The following SPRYD4 variants were observed in gnomAD, a reference collection of about 807,000 sequenced individuals.
SPRYD4 encodes the protein SPRY domain-containing protein 4.
Under a neutral mutation model 16.6 loss-of-function variants are expected in SPRYD4, and 12 were observed. The ratio of observed to expected loss-of-function variants is 0.72; its 90% confidence interval spans 0.46 to 1.17. The LOEUF is 1.17. Among genes scored for constraint, SPRYD4 ranks in the 50% most tolerant of loss-of-function variants. The pLI is 0.00. For synonymous variants in SPRYD4, 98 were observed against 105.4 expected, an observed-to-expected ratio of 0.93 and a Z score of 0.43; for missense variants, 260 against 260.2, an observed-to-expected ratio of 1.00 and a Z score of 0.00.
chr12:56,474,262 T>C lies in SPRYD4; in HGVS notation c.*4685T>C, dbSNP rs986810795. 1.3e-5 allele frequency: 5 copies of C among 387,654 alleles called. No homozygotes were observed. The highest frequency in any genetic ancestry group is 1.3e-4 in the East Asian group (2 of 15,796). 24.0% of individuals were successfully genotyped at this position (387,654 alleles called of 1,614,324 possible). A position where few individuals can be genotyped will look rare whatever the true frequency, so the allele number is the denominator to read the frequency against. On this transcript the variant is annotated 3_prime_UTR_variant, in exon 2 of 2. Coordinates refer to ENST00000338146, the MANE Select transcript of SPRYD4 (RefSeq NM_207344.4). Reference sequence around the variant, plus strand: ...ACACCACCACCCCCGGCTAATTTTTTGTATTTAGTAGAGATGGGGTTTCAC... The same window carrying C: ...ACACCACCACCCCCGGCTAATTTTTCGTATTTAGTAGAGATGGGGTTTCAC...
At position 56,471,246 on chromosome 12, in the gene SPRYD4, T is replaced by C; in HGVS notation, c.*1669T>C. On this transcript the variant is annotated 3_prime_UTR_variant, in exon 2 of 2. Transcript: ENST00000338146. Reference sequence around the variant, plus strand: ...GTGGGGCAAGCCATTAGGCTGTACCTTGAAGCCCAGTCTCTCTGGATAGCT... The same window carrying C: ...GTGGGGCAAGCCATTAGGCTGTACCCTGAAGCCCAGTCTCTCTGGATAGCT... The C allele has an allele frequency of 6.1e-6, 3 of 493,872 alleles. No individual in the cohort carries two copies. Among genetic ancestry groups the C allele is most frequent in the Non-Finnish European group, 1.1e-5 (3 of 282,734 alleles). 30.6% of individuals were successfully genotyped at this position (493,872 alleles called of 1,614,324 possible).
Position 56,478,083 on chromosome 12 carries a change from G to A in SPRYD4, c.*8506G>A. 6.2e-7 allele frequency: 1 copy of A among 1,614,092 alleles called. No individual in the cohort carries two copies. Among genetic ancestry groups the A allele is most frequent in the Non-Finnish European group, 8.5e-7 (1 of 1,179,968 alleles). On this transcript the variant is annotated 3_prime_UTR_variant, in exon 2 of 2. Transcript: ENST00000338146. Reference sequence around the variant, plus strand: ...TGCAGGCAGAAGGGGATCTTTGTGTGGCCCACAGAGTGCCTGGAGGCAGAC... The same window carrying A: ...TGCAGGCAGAAGGGGATCTTTGTGTAGCCCACAGAGTGCCTGGAGGCAGAC...
Position 56,475,583 on chromosome 12 carries a change from C to T in SPRYD4, c.*6006C>T. On this transcript the variant is annotated 3_prime_UTR_variant, in exon 2 of 2. Transcript: ENST00000338146. ...TCCCCATCCTAAGTACACACACATA[C>T]ACCACAATGCTTTCAGTCAGTCCTC... is the stretch of plus-strand genomic sequence containing the variant. 1 of 1,595,466 alleles carries T rather than the reference C, an allele frequency of 6.3e-7. No homozygotes were observed. The highest frequency in any genetic ancestry group is 8.6e-7 in the Non-Finnish European group (1 of 1,163,260).
rs895112736 is a variant in SPRYD4 at position 56,475,839 on chromosome 12, T to C, written c.*6262T>C. 1 of 1,418,972 alleles carries C rather than the reference T, an allele frequency of 7.0e-7. No homozygotes were observed. The highest frequency in any genetic ancestry group is 1.2e-5 in the South Asian group (1 of 86,604). The allele number at this position is 1,418,972 out of a possible 1,614,324, so 87.9% of individuals were successfully genotyped here. On this transcript the variant is annotated 3_prime_UTR_variant, in exon 2 of 2. Coordinates refer to ENST00000338146, the MANE Select transcript of SPRYD4 (RefSeq NM_207344.4). Reference sequence around the variant, plus strand: ...ATTTCTGGAAATAAGGCTTCTAGTATGGGCTGGTGCACCTGGTAGTGGGGT... The same window carrying C: ...ATTTCTGGAAATAAGGCTTCTAGTACGGGCTGGTGCACCTGGTAGTGGGGT...
Position 56,473,598 on chromosome 12 carries a change from G to A in SPRYD4, c.*4021G>A, listed in dbSNP as rs1033201016. 2.5e-6 allele frequency: 4 copies of A among 1,609,146 alleles called. No individual in the cohort carries two copies. On this transcript the variant is annotated 3_prime_UTR_variant, in exon 2 of 2. Transcript: ENST00000338146. ...CTGACTTGGCTGGCAGGCCCACCTG[G>A]GGAACAGAACTGAAGCTGAGGATAA...
In SPRYD4 at chr12:56,477,472, G is replaced by A; in HGVS notation, c.*7895G>A. The A allele has an allele frequency of 1.8e-6, 1 of 560,974 alleles. No individual in the cohort carries two copies. The highest frequency in any genetic ancestry group is 3.2e-6 in the Non-Finnish European group (1 of 314,918). 34.7% of individuals were successfully genotyped at this position (560,974 alleles called of 1,614,324 possible). On this transcript the variant is annotated 3_prime_UTR_variant, in exon 2 of 2. Coordinates refer to ENST00000338146, the MANE Select transcript of SPRYD4 (RefSeq NM_207344.4). ...GTACTGAGTGGGGATGACGGAGGTG[G>A]TGCAGTCTCTTATACTGACATTGTC... is the stretch of plus-strand genomic sequence containing the variant.
Position 56,478,065 on chromosome 12 carries a change from AGAAGGGGAT to A in SPRYD4, c.*8489_*8497del, listed in dbSNP as rs1222286932. 2 of 1,614,230 alleles carry A rather than the reference AGAAGGGGAT, an allele frequency of 1.2e-6. No individual in the cohort carries two copies. The highest frequency in any genetic ancestry group is 1.7e-6 in the Non-Finnish European group (2 of 1,180,026). On this transcript the variant is annotated 3_prime_UTR_variant, in exon 2 of 2. Transcript: ENST00000338146. ...AGGGGCTTCACACAGGACTGCAGGC[AGAAGGGGAT>A]CTTTGTGTGGCCCACAGAGTGCCTG...
Position 56,474,570 on chromosome 12 carries a change from CAT to C in SPRYD4, c.*4995_*4996del. 6.2e-7 allele frequency: 1 copy of C among 1,614,116 alleles called. No individual in the cohort carries two copies. Among genetic ancestry groups the C allele is most frequent in the Non-Finnish European group, 8.5e-7 (1 of 1,180,052 alleles). On this transcript the variant is annotated 3_prime_UTR_variant, in exon 2 of 2. Transcript: ENST00000338146. ...TGGAAGGCAAACTGGCCAGAGAAGT[CAT>C]ACATGCCGCAGGAATGCATGAGGCT...
chr12:56,474,997 A>G lies in SPRYD4; in HGVS notation c.*5420A>G. On this transcript the variant is annotated 3_prime_UTR_variant, in exon 2 of 2. Transcript: ENST00000338146. ...CCCCAACCCCTACTGCCCTTCCACT[A>G]GCAGCAGAATTCCCAGGGACTTTCT... is the stretch of plus-strand genomic sequence containing the variant. The G allele has an allele frequency of 1.9e-6, 3 of 1,613,916 alleles. No homozygotes were observed. The highest frequency in any genetic ancestry group is 2.5e-6 in the Non-Finnish European group (3 of 1,180,008).
At position 56,478,850 on chromosome 12, in the gene SPRYD4, G is replaced by A. The variant is rs1344311813; in HGVS notation, c.*9273G>A. On this transcript the variant is annotated 3_prime_UTR_variant, in exon 2 of 2. Transcript: ENST00000338146. ...TCTACTAAAAATACAAAAATTAGTC[G>A]GGCATGGTGGTGTATGCCAGCTACT... 2.5e-5 allele frequency: 14 copies of A among 556,282 alleles called. No individual in the cohort carries two copies. Among genetic ancestry groups the A allele is most frequent in the East Asian group, 6.7e-5 (2 of 29,868 alleles). 34.5% of individuals were successfully genotyped at this position (556,282 alleles called of 1,614,324 possible). A position where few individuals can be genotyped will look rare whatever the true frequency, so the allele number is the denominator to read the frequency against.
In SPRYD4 at chr12:56,469,053, C is replaced by G; in HGVS notation, c.100C>G (p.Leu34Val). 1.3e-6 allele frequency: 2 copies of G among 1,569,854 alleles called. No individual in the cohort carries two copies. The highest frequency in any genetic ancestry group is 1.7e-6 in the Non-Finnish European group (2 of 1,157,676). ...TCTGCCCGCAGGCGTCAGTTTCAAACTGGAAGAAAAAACCGCCCACAGCAG... is the reference window on the plus strand; with the variant it reads ...TCTGCCCGCAGGCGTCAGTTTCAAAGTGGAAGAAAAAACCGCCCACAGCAG... ...TEAQRGVSFK[L>V]EEKTAHSSLA... Residue 34 changes from leucine (L) to valine (V), a missense_variant, in exon 2 of 2, where the codon CTG becomes GTG. By Grantham distance (32) the Leu-to-Val change is conservative. Coordinates refer to ENST00000338146, the MANE Select transcript of SPRYD4 (RefSeq NM_207344.4).
In SPRYD4 at chr12:56,473,490, G is replaced by A. The variant is rs1189600175; in HGVS notation, c.*3913G>A. 1.9e-6 allele frequency: 3 copies of A among 1,613,812 alleles called. No individual in the cohort carries two copies. The highest frequency in any genetic ancestry group is 1.7e-4 in the Middle Eastern group (1 of 5,950). ...GGCAGAAGCTGGTCCCCCTATGGCT[G>A]TTCCCCAGCTTGTCCAATGGGGGTG... is the stretch of plus-strand genomic sequence containing the variant. On this transcript the variant is annotated 3_prime_UTR_variant, in exon 2 of 2. Coordinates refer to ENST00000338146, the MANE Select transcript of SPRYD4 (RefSeq NM_207344.4).
rs1869524747 is a variant in SPRYD4, at chr12:56,473,747, C to T, written c.*4170C>T. The T allele has an allele frequency of 3.6e-6, 3 of 825,434 alleles. No individual in the cohort carries two copies. The highest frequency in any genetic ancestry group is 5.3e-6 in the Non-Finnish European group (3 of 562,362). 51.1% of individuals were successfully genotyped at this position (825,434 alleles called of 1,614,324 possible). On this transcript the variant is annotated 3_prime_UTR_variant, in exon 2 of 2. Coordinates refer to ENST00000338146, the MANE Select transcript of SPRYD4 (RefSeq NM_207344.4). ...TTGTTAATTAGCTTCTTTTATTACT[C>T]CTGTCCTTTCCTTCCCTTAAATTCA...
chr12:56,474,469 TATCTTGAGAG>T lies in SPRYD4; in HGVS notation c.*4894_*4903del. ...AGAGGCAGGAACAAGCTTCCACCTC[TATCTTGAGAG>T]AGTCAGTGTTCTCTCTTCTTAGCAC... On this transcript the variant is annotated 3_prime_UTR_variant, in exon 2 of 2. Coordinates refer to ENST00000338146, the MANE Select transcript of SPRYD4 (RefSeq NM_207344.4). 4 of 1,574,564 alleles carry T rather than the reference TATCTTGAGAG, an allele frequency of 2.5e-6. No individual in the cohort carries two copies. The South Asian group carries it at 4.5e-5, about 18-fold the overall frequency.
Position 56,476,851 on chromosome 12 carries a change from C to T in SPRYD4, c.*7274C>T, listed in dbSNP as rs1160595959. 6.6e-6 allele frequency: 1 copy of T among 152,302 alleles called. No homozygotes were observed. Among genetic ancestry groups the T allele is most frequent in the Non-Finnish European group, 1.5e-5 (1 of 68,220 alleles). 9.4% of individuals were successfully genotyped at this position (152,302 alleles called of 1,614,324 possible). A position where few individuals can be genotyped will look rare whatever the true frequency, so the allele number is the denominator to read the frequency against. On this transcript the variant is annotated 3_prime_UTR_variant, in exon 2 of 2. Transcript: ENST00000338146. Reference sequence around the variant, plus strand: ...CCTCGTGATTTGCCCACCTCGGCCTCCCAAAGTGTTGGGATTACAGGCGTG... The same window carrying T: ...CCTCGTGATTTGCCCACCTCGGCCTTCCAAAGTGTTGGGATTACAGGCGTG...
In SPRYD4 at chr12:56,473,539, T is replaced by C. The variant is rs1482628365; in HGVS notation, c.*3962T>C. On this transcript the variant is annotated 3_prime_UTR_variant, in exon 2 of 2. Coordinates refer to ENST00000338146, the MANE Select transcript of SPRYD4 (RefSeq NM_207344.4). ...TGACAGGCACATCATTCCCATGACA[T>C]TGGGTACCACCAGGAGGATGGCTCC... 2 of 1,613,430 alleles carry C rather than the reference T, an allele frequency of 1.2e-6. No individual in the cohort carries two copies. The highest frequency in any genetic ancestry group is 1.3e-5 in the African/African-American group (1 of 74,898).
Position 56,473,261 on chromosome 12 carries a change from C to G in SPRYD4, c.*3684C>G, listed in dbSNP as rs1869476933. The G allele has an allele frequency of 6.2e-7, 1 of 1,614,140 alleles. No homozygotes were observed. Among genetic ancestry groups the G allele is most frequent in the Non-Finnish European group, 8.5e-7 (1 of 1,180,034 alleles). ...CTGCCCCTTCACGCCGTGGGTCTAACTTCCGAGCACAGTGCCTCAGGTTGT... is the reference window on the plus strand; with the variant it reads ...CTGCCCCTTCACGCCGTGGGTCTAAGTTCCGAGCACAGTGCCTCAGGTTGT... On this transcript the variant is annotated 3_prime_UTR_variant, in exon 2 of 2. Transcript: ENST00000338146.
Position 56,477,456 on chromosome 12 carries a change from G to T in SPRYD4, c.*7879G>T. ...GTGGGGGCAGGGAACAGTACTGAGT[G>T]GGGATGACGGAGGTGGTGCAGTCTC... On this transcript the variant is annotated 3_prime_UTR_variant, in exon 2 of 2. Transcript: ENST00000338146. 2 of 527,674 alleles carry T rather than the reference G, an allele frequency of 3.8e-6. No homozygotes were observed. Among genetic ancestry groups the T allele is most frequent in the East Asian group, 3.1e-5 (1 of 32,056 alleles). The allele number at this position is 527,674 out of a possible 1,614,324, so 32.7% of individuals were successfully genotyped here. A position where few individuals can be genotyped will look rare whatever the true frequency, so the allele number is the denominator to read the frequency against.
rs942177081 is a variant in SPRYD4, at chr12:56,475,368, G to A, written c.*5791G>A. 2 of 947,538 alleles carry A rather than the reference G, an allele frequency of 2.1e-6. No individual in the cohort carries two copies. The allele number at this position is 947,538 out of a possible 1,614,324, so 58.7% of individuals were successfully genotyped here. A position where few individuals can be genotyped will look rare whatever the true frequency, so the allele number is the denominator to read the frequency against. On this transcript the variant is annotated 3_prime_UTR_variant, in exon 2 of 2. Transcript: ENST00000338146. The stretch of plus-strand genomic sequence containing the variant: ...GAAAACTGGTGAAGTTTTTGGCTTT[G>A]AAAGTCTTGGCAAGAAAGGGCTTAG...
Sources: gnomAD v4.1 joint callset for allele counts on GRCh38, gnomAD v4.1.1 for gene constraint, MANE v1.5 for transcripts, NCBI Gene and HGNC (gene_info 2026-07-23, HGNC 2026-07-21) for gene names.